PRKN: variants seen among roughly 807,000 people sequenced by gnomAD.
The protein encoded by PRKN is E3 ubiquitin-protein ligase parkin.
Under a neutral mutation model 59.5 loss-of-function variants are expected in PRKN, and 56 were observed. The observed-to-expected ratio is 0.94, with a 90% CI of 0.76 to 1.18. The LOEUF is 1.18. Ranked by LOEUF, PRKN falls within the 50% of genes most tolerant of loss-of-function variation. PRKN has a pLI of 0.00. For synonymous variants in PRKN, 250 were observed against 222.1 expected (o/e 1.13, Z -1.12); for missense variants, 657 against 596.4 (o/e 1.10, Z -1.06).
At chr6:162,461,499 C>CAAAAAAAAAAAA (rs780424226) in intron 1 of PRKN, among the ~76,000 whole-genome samples, 23 of 36,516 alleles carry the variant, frequency 6.3e-4, no homozygotes, top group South Asian at 2.4e-3. Flanking sequence ...TAAAGTGTCT[C>CAAAAAAAAAAAA]AAAAAAAAAA....
At chr6:161,835,256 G>A (rs9458397) in intron 6 of PRKN, among the ~76,000 whole-genome samples, 68,650 of 151,886 alleles carry the variant, frequency 0.45, 16,033 homozygotes, top group African/African-American at 0.56. Flanking sequence ...TGCTGTGACT[G>A]TCACCAATCC....
rs193023916 is a variant in PRKN at position 162,139,410 on chromosome 6, C to T, written c.534+61721G>A. On this transcript the variant is annotated intron_variant, in intron 4 of 11. Transcript: ENST00000366898. ...GAAATATACAAAGAATGGAAAAATC[C>T]ACTAACAAGTGACGTGACACAGAAA... Among the ~76,000 whole-genome samples, 8 of 152,232 alleles carry T rather than the reference C, an allele frequency of 5.3e-5. No individual in the cohort carries two copies. The East Asian group carries it at 1.5e-3, about 29-fold the overall frequency.
At position 162,172,463 on chromosome 6, in the gene PRKN, G is replaced by A. The variant is rs773969904; in HGVS notation, c.534+28668C>T. Reference sequence around the variant, plus strand: ...CTCCTTCATCCAGCAGAGCCAGGCCGGCCCACACCCCACACTCTTACCACA... The same window carrying A: ...CTCCTTCATCCAGCAGAGCCAGGCCAGCCCACACCCCACACTCTTACCACA... On this transcript the variant is annotated intron_variant, in intron 4 of 11. Coordinates refer to ENST00000366898, the MANE Select transcript of PRKN (RefSeq NM_004562.3). Among the ~76,000 whole-genome samples, 16 of 151,374 alleles carry A rather than the reference G, an allele frequency of 1.1e-4. 1 individual carries two copies. Among genetic ancestry groups the A allele is most frequent in the Non-Finnish European group, 2.4e-4 (16 of 67,612 alleles).
At chr6:162,239,852 A>C (rs1778911387) in intron 3 of PRKN, among the ~76,000 whole-genome samples, 1 of 152,042 alleles carries the variant, frequency 6.6e-6, no homozygotes. Flanking sequence ...TACTCTATAC[A>C]ACTTAGCTGT....
At chr6:161,863,016 G>A (rs963268229) in intron 6 of PRKN, among the ~76,000 whole-genome samples, 2 of 152,060 alleles carry the variant, frequency 1.3e-5, no homozygotes, top group African/African-American at 4.8e-5. Flanking sequence ...TAAACATAAA[G>A]ATCAAGAAGA....
intron 3 of PRKN, among the ~76,000 whole-genome samples, chr6:162,232,322 C>T (rs1272456981): frequency 1.3e-5 from 2 of 152,114 alleles, no homozygotes; most frequent in African/African-American, 4.8e-5. Context: ...GCTACTGTCC[C>T]CTTCTTCTGC....
At chr6:162,699,569 T>C (rs1361074786) in intron 1 of PRKN, among the ~76,000 whole-genome samples, 1 of 152,204 alleles carries the variant, frequency 6.6e-6, no homozygotes, top group Non-Finnish European at 1.5e-5. Context: ...TGCCAGGTTC[T>C]TTTTAAATTT....
At chr6:161,916,081 C>T (rs1463713637) in intron 6 of PRKN, among the ~76,000 whole-genome samples, 1 of 152,096 alleles carries the variant, frequency 6.6e-6, no homozygotes, top group Non-Finnish European at 1.5e-5. Flanking sequence ...AAGAAAGGAA[C>T]ATCCAGCTCA....
intron 2 of PRKN, among the ~76,000 whole-genome samples, chr6:162,263,681 C>T (rs757136066): frequency 1.8e-4 from 27 of 152,170 alleles, no homozygotes; most frequent in Non-Finnish European, 2.8e-4. Context: ...GGGCCGGCCG[C>T]GGTGGCTCAG....
At chr6:161,441,554 A>T (rs1789226643) in intron 9 of PRKN, among the ~76,000 whole-genome samples, 1 of 148,980 alleles carries the variant, frequency 6.7e-6, no homozygotes. Context: ...CCAAGGCAGG[A>T]GAATCACTTG....
intron 1 of PRKN, among the ~76,000 whole-genome samples, chr6:162,687,948 T>C (rs569233690): frequency 6.6e-6 from 1 of 152,304 alleles, no homozygotes; most frequent in African/African-American, 2.4e-5. Flanking sequence ...AAGGAACATT[T>C]TGAGGATCCT....
At chr6:162,516,734 GC>G (rs1777877832) in intron 1 of PRKN, among the ~76,000 whole-genome samples, 1 of 146,230 alleles carries the variant, frequency 6.8e-6, no homozygotes, top group African/African-American at 2.6e-5. Context: ...CTGCACTCCA[GC>G]CGGGGCAACA....
At chr6:162,566,751 AGAG>A (rs1484520637) in intron 1 of PRKN, among the ~76,000 whole-genome samples, 2 of 152,322 alleles carry the variant, frequency 1.3e-5, no homozygotes, top group South Asian at 2.1e-4. Flanking sequence ...TCCAAAAGAC[AGAG>A]GAGGAGGGAA....
chr6:162,553,236 G>C (rs1290010501), intron 1 of PRKN, among the ~76,000 whole-genome samples: 3 of 152,120 alleles, frequency 2.0e-5, no homozygotes, highest in Admixed American at 1.3e-4. Context: ...AGCACAAGTG[G>C]AGGCCTTTGC....
chr6:162,502,624 T>G (rs891713113), intron 1 of PRKN, among the ~76,000 whole-genome samples: 2 of 152,180 alleles, frequency 1.3e-5, no homozygotes, highest in Admixed American at 6.5e-5. Flanking sequence ...TTATCATTAA[T>G]ATTTTCATTT....
intron 4 of PRKN, among the ~76,000 whole-genome samples, chr6:162,164,741 T>C (rs1782906767): frequency 6.7e-6 from 1 of 149,108 alleles, no homozygotes; most frequent in South Asian, 2.1e-4. Context: ...TAAAATTTTC[T>C]TTTATTTTTT....
chr6:161,990,560 T>A (rs1781607170), intron 5 of PRKN, among the ~76,000 whole-genome samples: 1 of 152,100 alleles, frequency 6.6e-6, no homozygotes, highest in Non-Finnish European at 1.5e-5. Flanking sequence ...AAGATATTTT[T>A]AAAAATGTCT....
intron 1 of PRKN, among the ~76,000 whole-genome samples, chr6:162,491,507 C>T (rs150247718): frequency 2.6e-5 from 4 of 152,298 alleles, no homozygotes; most frequent in Admixed American, 6.5e-5. Flanking sequence ...CCTGCAGCTG[C>T]GCCCAGACAG....
chr6:162,413,583 A>G (rs183269440), intron 2 of PRKN, among the ~76,000 whole-genome samples: 1 of 152,242 alleles, frequency 6.6e-6, no homozygotes, highest in East Asian at 1.9e-4. Flanking sequence ...ATCTCTACTC[A>G]TTTCCTTTTT....
Sources: gnomAD v4.1 joint callset for allele counts (sites outside exome capture counted in the v4.1 genomes callset) on GRCh38, gnomAD v4.1.1 for gene constraint, MANE v1.5 for transcripts, NCBI Gene and HGNC (gene_info 2026-07-23, HGNC 2026-07-21) for gene names.